The following APTX variants were observed in gnomAD, a reference collection of about 807,000 sequenced individuals.
APTX encodes aprataxin.
APTX carries 33 observed loss-of-function variants against 42.3 expected under a neutral mutation model. That is an observed-to-expected ratio of 0.78 (90% CI 0.59 to 1.04). APTX has a LOEUF of 1.04. Ranked by LOEUF, APTX falls within the 50% of genes least tolerant of loss-of-function variation. The pLI is 0.00. For missense variants in APTX, 421 were observed against 415.1 expected, an observed-to-expected ratio of 1.01 and a Z score of -0.12; for synonymous variants, 130 against 146.7, an observed-to-expected ratio of 0.89 and a Z score of 0.82.
intron 1 of APTX, among the ~76,000 whole-genome samples, chr9:33,023,766 G>C (rs532747142): frequency 6.6e-6 from 1 of 152,336 alleles, no homozygotes; most frequent in Non-Finnish European, 1.5e-5. Flanking sequence ...TAATGAAAGA[G>C]AAAAGGCTGA....
At chr9:32,979,028 T>A (rs1454248339) in intron 6 of APTX, among the ~76,000 whole-genome samples, 2 of 152,158 alleles carry the variant, frequency 1.3e-5, no homozygotes, top group Non-Finnish European at 2.9e-5. Flanking sequence ...ATTAATATAT[T>A]TAATATAGGT....
chr9:32,999,962 AT>A (rs1166569824), intron 1 of APTX, among the ~76,000 whole-genome samples: 3 of 152,214 alleles, frequency 2.0e-5, no homozygotes, highest in African/African-American at 7.2e-5. Flanking sequence ...TCTCAAAAAA[AT>A]ATAAAAATAA....
At chr9:33,024,858 A>T (rs1286283647) in intron 1 of APTX, 1 of 5,908 alleles carries the variant, frequency 1.7e-4, no homozygotes, top group African/African-American at 5.3e-4. Context: ...AGGCGCCCGT[A>T]AGAGGGGGGG....
intron 6 of APTX, among the ~76,000 whole-genome samples, chr9:32,984,140 C>T (rs1359785648): frequency 6.6e-6 from 1 of 152,174 alleles, no homozygotes; most frequent in Non-Finnish European, 1.5e-5. Context: ...TCAGTCATTC[C>T]TTTCTGAATC....
intron 7 of APTX, among the ~76,000 whole-genome samples, chr9:32,974,195 C>CT (rs1828763104): frequency 6.6e-6 from 1 of 152,148 alleles, no homozygotes; most frequent in South Asian, 2.1e-4. Context: ...TCACGGCAGC[C>CT]TTTAAGTCCC....
chr9:32,987,978 T>A (rs576611718), intron 3 of APTX, 105 bp downstream of exon 3: 1 of 1,507,444 alleles, frequency 6.6e-7, no homozygotes, highest in Non-Finnish European at 9.2e-7. Flanking sequence ...ACTCCATCAC[T>A]TCCATACATG....
chr9:32,975,412 G>A (rs938138502), intron 6 of APTX, among the ~76,000 whole-genome samples: 4 of 151,950 alleles, frequency 2.6e-5, no homozygotes, highest in Non-Finnish European at 5.9e-5. Context: ...TCATTCTTTT[G>A]AAAATGCAAC....
rs74922775 is a variant in APTX at position 32,988,343 on chromosome 9, C to A, written c.134-214G>T. ...TTAAATCCTTCCATAAAATGTCCAA[C>A]AGCGTACATACTCCCTTAGCTATTG... On this transcript the variant is annotated intron_variant, in intron 2 of 7. Coordinates refer to ENST00000379817, the MANE Select transcript of APTX (RefSeq NM_001195248.2). Among the ~76,000 whole-genome samples, 6,089 of 152,228 alleles carry A rather than the reference C, an allele frequency of 0.04. 183 individuals carry two copies. Among genetic ancestry groups the A allele is most frequent in the East Asian group, 0.12 (639 of 5,172 alleles).
At chr9:33,013,544 T>G (rs185136451) in intron 1 of APTX, among the ~76,000 whole-genome samples, 5 of 152,218 alleles carry the variant, frequency 3.3e-5, no homozygotes, top group African/African-American at 1.2e-4. Context: ...TGGTGGCTCA[T>G]GCCTGTAATC....
chr9:32,977,886 C>T (rs2118427466), intron 6 of APTX, among the ~76,000 whole-genome samples: 1 of 152,014 alleles, frequency 6.6e-6, no homozygotes, highest in African/African-American at 2.4e-5. Flanking sequence ...ATCATATGGT[C>T]TCTGATATAA....
intron 1 of APTX, among the ~76,000 whole-genome samples, chr9:33,023,732 G>C (rs1293732733): frequency 6.6e-6 from 1 of 152,220 alleles, no homozygotes; most frequent in African/African-American, 2.4e-5. Flanking sequence ...GGATAGTTCT[G>C]TGACTGGAAT....
At chr9:33,020,396 T>C (rs1032630393) in intron 1 of APTX, among the ~76,000 whole-genome samples, 1 of 152,236 alleles carries the variant, frequency 6.6e-6, no homozygotes, top group African/African-American at 2.4e-5. Context: ...TGTTTTTATA[T>C]TTGTGTTTAT....
chr9:32,984,971 A>G (rs1831586462), intron 5 of APTX, 114 bp from the exon 6 acceptor site: 4 of 965,284 alleles, frequency 4.1e-6, no homozygotes, highest in South Asian at 2.7e-5. Context: ...AATGGTTTTA[A>G]TAGCCCAGTT....
chr9:32,981,994 T>TAA (rs542450072), intron 6 of APTX, among the ~76,000 whole-genome samples: 14 of 141,746 alleles, frequency 9.9e-5, no homozygotes, highest in East Asian at 2.0e-4. Context: ...ATTCATGAAT[T>TAA]AAAAAAAAAA....
chr9:33,006,693 G>T (rs1202959446), intron 1 of APTX, among the ~76,000 whole-genome samples: 1 of 152,054 alleles, frequency 6.6e-6, no homozygotes, highest in African/African-American at 2.4e-5. Flanking sequence ...GGAGAGGGTT[G>T]TGAGGGCGTC....
chr9:32,977,388 G>C (rs371735210), intron 6 of APTX, among the ~76,000 whole-genome samples: 6 of 152,132 alleles, frequency 3.9e-5, no homozygotes, highest in African/African-American at 1.4e-4. Flanking sequence ...GGAGGCTGAG[G>C]CAAAAGGATA....
At chr9:33,001,698 TGAAA>T, upstream of APTX, 1 of 1,528,018 alleles carries the variant, frequency 6.5e-7, no homozygotes, top group Non-Finnish European at 8.9e-7. Flanking sequence ...ACGGATTGGC[TGAAA>T]GAATCTTGCC....
At chr9:33,011,120 G>A (rs189558785) in intron 1 of APTX, among the ~76,000 whole-genome samples, 28 of 151,726 alleles carry the variant, frequency 1.8e-4, no homozygotes, top group Middle Eastern at 3.4e-3. Context: ...TACAGCCTGC[G>A]TGACAGAGTG....
upstream of APTX, among the ~76,000 whole-genome samples, chr9:33,006,625 G>C (rs953984962): frequency 1.3e-5 from 2 of 152,066 alleles, no homozygotes; most frequent in African/African-American, 4.8e-5. Context: ...ACCTCATTTT[G>C]TTTTGGCATT....
Sources: gnomAD v4.1 joint callset for allele counts (sites outside exome capture counted in the v4.1 genomes callset) on GRCh38, gnomAD v4.1.1 for gene constraint, MANE v1.5 for transcripts, NCBI Gene and HGNC (gene_info 2026-07-23, HGNC 2026-07-21) for gene names.